The following MTSS2 variants were observed in gnomAD, a reference collection of about 807,000 sequenced individuals.
MTSS2 encodes the protein MTSS I-BAR domain containing 2, also known as protein MTSS 2.
A neutral mutation model predicts 67.1 loss-of-function variants in MTSS2; 27 were observed. The observed-to-expected ratio is 0.40, with a 90% CI of 0.30 to 0.55. The LOEUF is 0.55. MTSS2 is among the 20% of genes least tolerant of loss of function. MTSS2 has a pLI of 0.43. For synonymous variants in MTSS2, 624 were observed against 468.6 expected (o/e 1.33, Z -4.28); for missense variants, 1,171 against 1,067.8 (o/e 1.10, Z -1.35).
At chr16:70,678,835 G>A (rs1434734712) in intron 7 of MTSS2, among the ~76,000 whole-genome samples, 1 of 152,200 alleles carries the variant, frequency 6.6e-6, no homozygotes, top group Non-Finnish European at 1.5e-5. Flanking sequence ...CAGGCCACAG[G>A]GGGCGGGGGC....
In MTSS2 at chr16:70,674,354, G is replaced by A. The variant is rs1430549921; in HGVS notation, c.1005C>T (p.Ala335=). The change falls in exon 11 of 15, where the codon GCC becomes GCT. Residue 335 remains alanine, a synonymous_variant. Transcript: ENST00000338779. ...TAGGCGAGGGGGGCTTGGAGTAGGT[G>A]GCGTCCTGGGAGACGAAGCCAGAGT... ...SHDSGFVSQD[A]TYSKPPSPMP... 6.2e-7 allele frequency: 1 copy of A among 1,613,990 alleles called. No individual in the cohort carries two copies. The highest frequency in any genetic ancestry group is 8.5e-7 in the Non-Finnish European group (1 of 1,180,030).
intron 10 of MTSS2, among the ~76,000 whole-genome samples, chr16:70,674,730 G>A (rs905890711): frequency 6.6e-6 from 1 of 152,214 alleles, no homozygotes; most frequent in Non-Finnish European, 1.5e-5. Context: ...GGCCAGAGCA[G>A]GGTACCCCCA....
At chr16:70,674,656 C>T in intron 10 of MTSS2, 128 bp from the exon 11 acceptor site, 1 of 801,388 alleles carries the variant, frequency 1.2e-6, no homozygotes, top group East Asian at 2.7e-5. Context: ...CAATGTCAGA[C>T]TAGGAGGTCC....
rs1478706120 is a variant in MTSS2 at position 70,663,842 on chromosome 16, G to A, written c.2079C>T (p.Phe693=). 6.5e-7 allele frequency: 1 copy of A among 1,540,838 alleles called. No individual in the cohort carries two copies. Among genetic ancestry groups the A allele is most frequent in the African/African-American group, 1.4e-5 (1 of 73,104 alleles). Residue 693 remains phenylalanine (F), a synonymous_variant, in exon 15 of 15, where the codon TTC becomes TTT. Coordinates refer to ENST00000338779, the MANE Select transcript of MTSS2 (RefSeq NM_138383.3). ...TGGCCGACAGAGCAGTGGGGAAGGGGAACTGGCCCTCACCCAGTGCGTGGG... is the reference window on the plus strand; with the variant it reads ...TGGCCGACAGAGCAGTGGGGAAGGGAAACTGGCCCTCACCCAGTGCGTGGG... The part of the protein sequence containing the change: ...AGAHALGEGQ[F]PFPTALSATP...
Position 70,683,993 on chromosome 16 carries a change from C to G in MTSS2, c.69+1730G>C, listed in dbSNP as rs143916076. On this transcript the variant is annotated intron_variant, in intron 1 of 14. Coordinates refer to ENST00000338779, the MANE Select transcript of MTSS2 (RefSeq NM_138383.3). ...GTTTTGCCTCCACATGTCAGCAAAT[C>G]ATGCCCGATGTCTGGCTTGAACCTC... Among the ~76,000 whole-genome samples the G allele has an allele frequency of 3.5e-3, 532 of 152,366 alleles. 6 individuals are homozygous for G. Among genetic ancestry groups the G allele is most frequent in the East Asian group, 0.03 (154 of 5,184 alleles).
chr16:70,674,061 A>G (rs565964446), intron 11 of MTSS2, among the ~76,000 whole-genome samples: 2 of 152,388 alleles, frequency 1.3e-5, no homozygotes, highest in African/African-American at 4.8e-5. Flanking sequence ...GGATAAAAAA[A>G]GAAAATCTAG....
In MTSS2 at chr16:70,663,783, G is replaced by A; in HGVS notation, c.2138C>T (p.Ala713Val). The A allele has an allele frequency of 6.6e-7, 1 of 1,519,562 alleles. No homozygotes were observed. The highest frequency in any genetic ancestry group is 8.8e-7 in the Non-Finnish European group (1 of 1,135,206). 94.1% of individuals were successfully genotyped at this position (1,519,562 alleles called of 1,614,324 possible). Residue 713 changes from alanine to valine, a missense_variant, in exon 15 of 15, where the codon GCC becomes GTC. By Grantham distance (64) the Ala-to-Val change is moderately conservative (BLOSUM62 0). Around this residue, in one of 2 missense-constraint regions of MTSS2, gnomAD observed 924 missense variants for 756.0 expected, o/e 1.22. Transcript: ENST00000338779. Reference sequence around the variant, plus strand: ...TTCGGCCGGGGGGTCGCTGGTGGCGGCTGGGGGTGGGGTGGGCGTCTCCTC... The same window carrying A: ...TTCGGCCGGGGGGTCGCTGGTGGCGACTGGGGGTGGGGTGGGCGTCTCCTC... ...PTEETPTPPPAATSDPPAEDM... is the reference protein window; with the variant it reads ...PTEETPTPPPVATSDPPAEDM...
At chr16:70,681,718 C>T (rs1333261677) in intron 1 of MTSS2, among the ~76,000 whole-genome samples, 1 of 152,268 alleles carries the variant, frequency 6.6e-6, no homozygotes. Context: ...CCTGGGGAAA[C>T]AGTGTGGCCT....
chr16:70,662,429 C>A lies in MTSS2; in HGVS notation c.*1248G>T. 6.6e-6 allele frequency: 1 copy of A among 152,432 alleles called. No individual in the cohort carries two copies. The highest frequency in any genetic ancestry group is 1.5e-5 in the Non-Finnish European group (1 of 68,122). The allele number at this position is 152,432 out of a possible 1,614,324, so 9.4% of individuals were successfully genotyped here. ...CCCCCGCTGCCACCACGAGCCTGGA[C>A]TACAGTGGGGGCCGTGCTGGGATGG... On this transcript the variant is annotated 3_prime_UTR_variant, in exon 15 of 15. Transcript: ENST00000338779.
At chr16:70,670,492 G>T (rs780184397) in intron 11 of MTSS2, among the ~76,000 whole-genome samples, 1 of 152,078 alleles carries the variant, frequency 6.6e-6, no homozygotes, top group Non-Finnish European at 1.5e-5. Flanking sequence ...CCAAAAAACT[G>T]GAAACTATGC....
chr16:70,679,667 C>T lies in MTSS2; in HGVS notation c.420G>A (p.Ser140=). The T allele has an allele frequency of 6.2e-7, 1 of 1,610,750 alleles. No individual in the cohort carries two copies. The highest frequency in any genetic ancestry group is 1.1e-5 in the South Asian group (1 of 90,344). The part of the protein sequence containing the change: ...KRARHEIKKK[S]SDTLKLQKKA... ...TCTTCTGCAGCTTCAGCGTGTCCGACGACTTCTTTTTGATCTCATGCCGGG... is the reference window on the plus strand; with the variant it reads ...TCTTCTGCAGCTTCAGCGTGTCCGATGACTTCTTTTTGATCTCATGCCGGG... The change falls in exon 6 of 15, where the codon TCG becomes TCA. Residue 140 remains serine (S), a synonymous_variant. Coordinates refer to ENST00000338779, the MANE Select transcript of MTSS2 (RefSeq NM_138383.3).
rs575221593 is a variant in MTSS2 at position 70,684,561 on chromosome 16, T to A, written c.69+1162A>T. ...GGGGCCTGTCCTAGCAGCACTGTAC[T>A]GGGTGGTGTCACCCCCATCCCTGGC... On this transcript the variant is annotated intron_variant, in intron 1 of 14. Coordinates refer to ENST00000338779, the MANE Select transcript of MTSS2 (RefSeq NM_138383.3). 2.6e-5 allele frequency among the ~76,000 whole-genome samples: 4 copies of A among 152,100 alleles called. No individual in the cohort carries two copies. The South Asian group carries it at 6.2e-4, about 24-fold the overall frequency.
chr16:70,670,896 G>A (rs887474060), intron 11 of MTSS2, among the ~76,000 whole-genome samples: 2 of 150,416 alleles, frequency 1.3e-5, no homozygotes, highest in African/African-American at 4.9e-5. Flanking sequence ...CTTGAACCCA[G>A]GAGTTTGAGA....
In MTSS2 at chr16:70,662,963, C is replaced by G. The variant is rs956940251; in HGVS notation, c.*714G>C. ...GTTTCCAAAGAGCTGCTCTGGCCCC[C>G]TCCAGCCAGCCTCACGGGGTGGGGG... is the stretch of plus-strand genomic sequence containing the variant. On this transcript the variant is annotated 3_prime_UTR_variant, in exon 15 of 15. Transcript: ENST00000338779. 2.0e-5 allele frequency: 3 copies of G among 152,780 alleles called. No individual in the cohort carries two copies. Among genetic ancestry groups the G allele is most frequent in the Admixed American group, 2.0e-4 (3 of 15,318 alleles). 9.5% of individuals were successfully genotyped at this position (152,780 alleles called of 1,614,324 possible).
At chr16:70,679,932 G>GGCCCCCC in intron 4 of MTSS2, 39 bp downstream of exon 4, 10 of 708,946 alleles carry the variant, frequency 1.4e-5, no homozygotes, top group Non-Finnish European at 2.0e-5. Context: ...GCGACGCCCC[G>GGCCCCCC]TCCCCCCGCC....
At chr16:70,682,040 A>G (rs1426413236) in intron 1 of MTSS2, among the ~76,000 whole-genome samples, 1 of 152,196 alleles carries the variant, frequency 6.6e-6, no homozygotes, top group Non-Finnish European at 1.5e-5. Context: ...TCAGGGCCTC[A>G]GAGGGAGGCT....
intron 9 of MTSS2, among the ~76,000 whole-genome samples, chr16:70,677,504 G>A (rs998880837): frequency 5.3e-5 from 8 of 152,156 alleles, no homozygotes; most frequent in Non-Finnish European, 1.2e-4. Flanking sequence ...TTCGGCAGGA[G>A]GTCTGCCCAC....
intron 11 of MTSS2, among the ~76,000 whole-genome samples, chr16:70,670,369 T>C (rs1278057174): frequency 6.6e-6 from 1 of 152,240 alleles, no homozygotes; most frequent in Non-Finnish European, 1.5e-5. Flanking sequence ...TGGTAGTACC[T>C]ATCAAATCTG....
Position 70,665,011 on chromosome 16 carries a change from G to A in MTSS2, c.1214C>T (p.Thr405Ile), listed in dbSNP as rs1164866412. The A allele has an allele frequency of 2.5e-6, 4 of 1,595,016 alleles. No individual in the cohort carries two copies. In the South Asian group the frequency reaches 3.3e-5, roughly 13 times the overall value. The change falls in exon 13 of 15, where the codon ACA becomes ATA. Residue 405 changes from threonine to isoleucine, a missense_variant. Coordinates refer to ENST00000338779, the MANE Select transcript of MTSS2 (RefSeq NM_138383.3). The part of the protein sequence containing the change: ...RKDRVELLRD[T>I]EPGPASGGTL... ...GCCCCCACTGGCAGGGCCTGGCTCT[G>A]TGTCTCGCAGGAGCTCCACTCGGTC...
Sources: allele counts gnomAD v4.1 joint callset (sites outside exome capture counted in the v4.1 genomes callset), GRCh38; gene constraint gnomAD v4.1.1; regional missense constraint gnomAD v4.1.1; transcripts MANE v1.5; gene names NCBI Gene and HGNC (gene_info 2026-07-23, HGNC 2026-07-21).